ATP6V0A4: variants seen among roughly 807,000 people sequenced by gnomAD.
ATP6V0A4 encodes the protein ATPase H+ transporting V0 subunit a4.
A neutral mutation model predicts 107.3 loss-of-function variants in ATP6V0A4; 86 were observed. The observed-to-expected ratio is 0.80, with a 90% CI of 0.67 to 0.96. ATP6V0A4 has a LOEUF of 0.96. Among genes scored for constraint, ATP6V0A4 ranks in the 40% least tolerant of loss-of-function variants. The pLI is 0.00. For missense variants in ATP6V0A4, 908 were observed against 1,045.6 expected (o/e 0.87, Z 1.81); for synonymous variants, 353 against 381.4 (o/e 0.93, Z 0.87).
chr7:138,752,342 C>T (rs1806273425), intron 11 of ATP6V0A4, among the ~76,000 whole-genome samples: 4 of 151,296 alleles, frequency 2.6e-5, no homozygotes, highest in Non-Finnish European at 5.9e-5. Context: ...TGCACAACAG[C>T]CTGGGCTACA....
chr7:138,718,379 G>T (rs35448898), intron 19 of ATP6V0A4, among the ~76,000 whole-genome samples: 10,409 of 106,634 alleles, frequency 0.098, 949 homozygotes, highest in African/African-American at 0.19. Context: ...TGCAGTCACG[G>T]ATGTCTGTGG....
chr7:138,794,984 A>T (rs1317059516), intron 1 of ATP6V0A4, among the ~76,000 whole-genome samples: 2 of 147,956 alleles, frequency 1.4e-5, no homozygotes, highest in African/African-American at 5.0e-5. Context: ...TATAACCTCC[A>T]CCTCCCCAGT....
intron 20 of ATP6V0A4, among the ~76,000 whole-genome samples, chr7:138,715,198 T>G (rs1287429883): frequency 6.6e-6 from 1 of 152,038 alleles, no homozygotes; most frequent in Non-Finnish European, 1.5e-5. Context: ...TGTTGTTGGG[T>G]TTTTTGTTTG....
chr7:138,734,155 G>A lies in ATP6V0A4; in HGVS notation c.1672C>T (p.Leu558Phe), dbSNP rs1805182628. ...ACTTACATGTGATTGAAAAGGCTGA[G>A]GATGACACCGAAAACCATCTGGACA... The part of the protein sequence containing the change: ...GIVQMVFGVI[L>F]SLFNHIYFRR... Residue 558 changes from leucine (L) to phenylalanine (F), a missense_variant, in exon 16 of 22, where the codon CTC (leucine) becomes TTC (phenylalanine). Leu to Phe is a conservative substitution (Grantham distance 22, BLOSUM62 0). Transcript: ENST00000310018. The A allele has an allele frequency of 6.2e-7, 1 of 1,612,894 alleles. No individual in the cohort carries two copies. Among genetic ancestry groups the A allele is most frequent in the African/African-American group, 1.3e-5 (1 of 74,878 alleles).
chr7:138,723,066 A>AAG (rs1804517395), intron 18 of ATP6V0A4, among the ~76,000 whole-genome samples: 1 of 151,624 alleles, frequency 6.6e-6, no homozygotes, highest in African/African-American at 2.4e-5. Flanking sequence ...AAAAAAAAAA[A>AAG]AAAAAAGAAA....
At chr7:138,737,797 G>A (rs1356188619) in intron 15 of ATP6V0A4, among the ~76,000 whole-genome samples, 1 of 139,738 alleles carries the variant, frequency 7.2e-6, no homozygotes, top group African/African-American at 2.7e-5. Flanking sequence ...CTCTCACTCT[G>A]GTTGCCTAGG....
intron 21 of ATP6V0A4, among the ~76,000 whole-genome samples, chr7:138,707,806 G>A (rs1344536507): frequency 6.6e-6 from 1 of 150,420 alleles, no homozygotes; most frequent in Non-Finnish European, 1.5e-5. Flanking sequence ...TGGGCTCATG[G>A]TCACAGCATA....
intron 2 of ATP6V0A4, among the ~76,000 whole-genome samples, chr7:138,774,505 C>T (rs1199890036): frequency 6.6e-6 from 1 of 151,402 alleles, no homozygotes; most frequent in Non-Finnish European, 1.5e-5. Context: ...CGCTTGAACC[C>T]AGGAAGCAGA....
At chr7:138,713,414 C>T (rs972436314) in intron 20 of ATP6V0A4, among the ~76,000 whole-genome samples, 7 of 152,026 alleles carry the variant, frequency 4.6e-5, no homozygotes, top group African/African-American at 1.7e-4. Flanking sequence ...ATGAACACAG[C>T]TGAGCTGTGA....
chr7:138,718,631 G>A (rs920864563), intron 19 of ATP6V0A4, among the ~76,000 whole-genome samples: 3 of 119,904 alleles, frequency 2.5e-5, no homozygotes, highest in Non-Finnish European at 3.4e-5. Context: ...GGGAGGTGCC[G>A]CCACGGATGT....
At chr7:138,794,435 G>A (rs1057094145) in intron 1 of ATP6V0A4, among the ~76,000 whole-genome samples, 1 of 152,122 alleles carries the variant, frequency 6.6e-6, no homozygotes, top group Non-Finnish European at 1.5e-5. Context: ...GCCACAGACT[G>A]CAGGTTTTCC....
intron 20 of ATP6V0A4, among the ~76,000 whole-genome samples, chr7:138,710,199 T>C (rs1197174823): frequency 6.6e-6 from 1 of 150,904 alleles, no homozygotes; most frequent in Non-Finnish European, 1.5e-5. Context: ...TTAATTTTTT[T>C]TTTTTTTTCG....
Position 138,797,909 on chromosome 7 carries a change from G to A in ATP6V0A4, c.-121+125C>T, listed in dbSNP as rs571897411. 2.9e-3 allele frequency: 3,950 copies of A among 1,377,762 alleles called. 12 individuals carry two copies. Among genetic ancestry groups the A allele is most frequent in the Non-Finnish European group, 3.8e-3 (3,819 of 1,010,346 alleles). 85.3% of individuals were successfully genotyped at this position (1,377,762 alleles called of 1,614,324 possible). A position where few individuals can be genotyped will look rare whatever the true frequency, so the allele number is the denominator to read the frequency against. Reference sequence around the variant, plus strand: ...ACGGTTTGGCTTCCCTTCTAGAGAGGTGAGAGAAGGTGTGACAGGCCAAGT... The same window carrying A: ...ACGGTTTGGCTTCCCTTCTAGAGAGATGAGAGAAGGTGTGACAGGCCAAGT... On this transcript the variant is annotated intron_variant, in intron 1 of 21. Coordinates refer to ENST00000310018, the MANE Select transcript of ATP6V0A4 (RefSeq NM_020632.3).
rs1465407581 is a variant in ATP6V0A4, at chr7:138,707,300, ATATTTATATT to A, written c.2430-593_2430-584del. Among the ~76,000 whole-genome samples the A allele has an allele frequency of 7.0e-3, 635 of 90,822 alleles. 11 individuals are homozygous for A. Among genetic ancestry groups the A allele is most frequent in the African/African-American group, 0.028 (610 of 21,590 alleles). 59.6% of individuals were successfully genotyped at this position (90,822 alleles called of 152,430 possible). The stretch of plus-strand genomic sequence containing the variant: ...TCTATATAATAATTATATTATAAAT[ATATTTATATT>A]TATTTATATTTATATTTATATTTAT... On this transcript the variant is annotated intron_variant, in intron 21 of 21. Transcript: ENST00000310018.
rs978876275 is a variant in ATP6V0A4, at chr7:138,790,388, G to A, written c.-120-4128C>T. The stretch of plus-strand genomic sequence containing the variant: ...GGCTCACTGCAACCTCTGCCTCTTG[G>A]GTTCAAGCGATTCTCTTGCCTCCAG... On this transcript the variant is annotated intron_variant, in intron 1 of 21. Coordinates refer to ENST00000310018, the MANE Select transcript of ATP6V0A4 (RefSeq NM_020632.3). 4.6e-5 allele frequency among the ~76,000 whole-genome samples: 7 copies of A among 152,110 alleles called. No individual in the cohort carries two copies. The South Asian group carries it at 1.0e-3, about 22-fold the overall frequency.
chr7:138,756,360 A>G (rs987757411), intron 9 of ATP6V0A4, 98 bp downstream of exon 9: 18 of 1,579,948 alleles, frequency 1.1e-5, no homozygotes, highest in Non-Finnish European at 1.6e-5. Flanking sequence ...AGCCTTACTG[A>G]CCTCTAGAAG....
intron 20 of ATP6V0A4, among the ~76,000 whole-genome samples, chr7:138,713,160 C>T (rs2117186397): frequency 6.6e-6 from 1 of 150,522 alleles, no homozygotes. Context: ...AAAAAATTAG[C>T]TGGGCATGGT....
At chr7:138,769,798 C>T (rs1158891829) in intron 3 of ATP6V0A4, among the ~76,000 whole-genome samples, 1 of 152,160 alleles carries the variant, frequency 6.6e-6, no homozygotes. Context: ...AAAGTCCTGG[C>T]CAGGTGCAGT....
At chr7:138,753,819 C>G (rs939806529) in intron 10 of ATP6V0A4, among the ~76,000 whole-genome samples, 1 of 152,106 alleles carries the variant, frequency 6.6e-6, no homozygotes, top group Admixed American at 6.6e-5. Context: ...GACAAGAGCA[C>G]CTCAGCACAG....
Sources: allele counts gnomAD v4.1 joint callset (sites outside exome capture counted in the v4.1 genomes callset), GRCh38; gene constraint gnomAD v4.1.1; transcripts MANE v1.5; gene names NCBI Gene and HGNC (gene_info 2026-07-23, HGNC 2026-07-21).